SYT16: variants seen among roughly 807,000 people sequenced by gnomAD.
The protein encoded by SYT16 is synaptotagmin 16.
In SYT16, 42 loss-of-function variants were observed where a neutral mutation model predicts 61.4. That is an observed-to-expected ratio of 0.68 (90% CI 0.53 to 0.89). The LOEUF is 0.89. Among genes scored for constraint, SYT16 ranks in the 40% least tolerant of loss-of-function variants. The pLI is 0.00. For missense variants in SYT16, 804 were observed against 807.3 expected (o/e 1.00, Z 0.05); for synonymous variants, 314 against 302.3 (o/e 1.04, Z -0.40).
At chr14:61,864,653 C>T (rs534835869) in intron 1 of SYT16, among the ~76,000 whole-genome samples, 1 of 152,364 alleles carries the variant, frequency 6.6e-6, no homozygotes, top group South Asian at 2.1e-4. Context: ...GAGTGCGGTA[C>T]TCTCAGGCCC....
At chr14:61,839,745 C>T (rs2046245908) in intron 1 of SYT16, among the ~76,000 whole-genome samples, 2 of 152,120 alleles carry the variant, frequency 1.3e-5, no homozygotes. Context: ...TTTTTTAGGC[C>T]AGCAAATCAC....
At chr14:61,983,233 A>C (rs2052161077) in intron 2 of SYT16, among the ~76,000 whole-genome samples, 2 of 152,282 alleles carry the variant, frequency 1.3e-5, no homozygotes, top group African/African-American at 4.8e-5. Flanking sequence ...TGACAGATTA[A>C]AGTAAAAGAA....
chr14:62,027,530 A>G (rs2054148598), intron 3 of SYT16, among the ~76,000 whole-genome samples: 1 of 152,198 alleles, frequency 6.6e-6, no homozygotes, highest in Non-Finnish European at 1.5e-5. Context: ...AATGTTTACT[A>G]TCATCCTTCT....
intron 1 of SYT16, among the ~76,000 whole-genome samples, chr14:61,958,663 G>A (rs2050982710): frequency 6.6e-6 from 1 of 151,954 alleles, no homozygotes; most frequent in African/African-American, 2.4e-5. Flanking sequence ...ATTGTTTTGT[G>A]ACCTAGCATG....
intron 1 of SYT16, among the ~76,000 whole-genome samples, chr14:61,947,121 T>C (rs1319200542): frequency 6.6e-6 from 1 of 152,080 alleles, no homozygotes; most frequent in Admixed American, 6.6e-5. Flanking sequence ...TGTGATTCTA[T>C]GTAAGATGGT....
At chr14:62,084,084 T>G in intron 6 of SYT16, 112 bp from the exon 7 acceptor site, 1 of 1,318,178 alleles carries the variant, frequency 7.6e-7, no homozygotes, top group Non-Finnish European at 1.0e-6. Context: ...TTAGTCATCT[T>G]TGGCAGTCAT....
intron 7 of SYT16, among the ~76,000 whole-genome samples, chr14:62,092,122 A>C (rs1412069794): frequency 6.6e-6 from 1 of 151,536 alleles, no homozygotes; most frequent in Non-Finnish European, 1.5e-5. Flanking sequence ...GGAAAATGCA[A>C]ATCAAAACTA....
At chr14:62,035,586 G>A (rs1595216403) in intron 3 of SYT16, among the ~76,000 whole-genome samples, 1 of 152,114 alleles carries the variant, frequency 6.6e-6, no homozygotes, top group Non-Finnish European at 1.5e-5. Context: ...TGATTAACAG[G>A]GTTTCACTGT....
chr14:61,848,471 A>G (rs2046510542), intron 1 of SYT16, among the ~76,000 whole-genome samples: 1 of 152,158 alleles, frequency 6.6e-6, no homozygotes, highest in Admixed American at 6.5e-5. Context: ...TGGAGGACAC[A>G]TGACATAAGC....
chr14:62,026,533 C>T (rs2054110183), intron 3 of SYT16, among the ~76,000 whole-genome samples: 2 of 152,188 alleles, frequency 1.3e-5, no homozygotes, highest in East Asian at 3.9e-4. Context: ...GAAGGAGGAG[C>T]CCTCATGGCC....
chr14:61,990,277 A>G (rs1391025226), intron 2 of SYT16, among the ~76,000 whole-genome samples: 1 of 152,234 alleles, frequency 6.6e-6, no homozygotes, highest in African/African-American at 2.4e-5. Flanking sequence ...TAGCTTTATG[A>G]CTACTCTAGT....
At chr14:61,819,763 G>A (rs981833242) in intron 1 of SYT16, among the ~76,000 whole-genome samples, 1 of 152,160 alleles carries the variant, frequency 6.6e-6, no homozygotes, top group Non-Finnish European at 1.5e-5. Context: ...AGAGAGCACA[G>A]GCCTGGTTCC....
chr14:62,057,251 A>G (rs1595297272), intron 3 of SYT16, among the ~76,000 whole-genome samples: 3 of 152,220 alleles, frequency 2.0e-5, no homozygotes, highest in Non-Finnish European at 2.9e-5. Flanking sequence ...CCTTCAGTCC[A>G]ATCAAGTTGA....
At chr14:61,977,606 C>T (rs1478271066) in intron 2 of SYT16, among the ~76,000 whole-genome samples, 1 of 152,248 alleles carries the variant, frequency 6.6e-6, no homozygotes, top group East Asian at 1.9e-4. Context: ...TCCACCTGGT[C>T]TCTCCCTTGA....
chr14:61,992,202 C>T (rs1026114660), intron 2 of SYT16, among the ~76,000 whole-genome samples: 4 of 152,106 alleles, frequency 2.6e-5, no homozygotes, highest in Non-Finnish European at 5.9e-5. Context: ...AAGCAATAAA[C>T]ATTTCCTCAT....
chr14:61,934,469 T>C (rs991892477), intron 1 of SYT16, among the ~76,000 whole-genome samples: 1 of 152,210 alleles, frequency 6.6e-6, no homozygotes, highest in Non-Finnish European at 1.5e-5. Context: ...AATACCGGAA[T>C]TGAGGCACTG....
chr14:61,836,279 A>T (rs2046126857), intron 1 of SYT16, among the ~76,000 whole-genome samples: 1 of 152,064 alleles, frequency 6.6e-6, no homozygotes, highest in Non-Finnish European at 1.5e-5. Flanking sequence ...GCGTGTGTTT[A>T]TTGCTCTACT....
At chr14:61,936,918 C>T (rs1457792786) in intron 1 of SYT16, among the ~76,000 whole-genome samples, 5 of 152,276 alleles carry the variant, frequency 3.3e-5, no homozygotes, top group Middle Eastern at 3.4e-3. Flanking sequence ...AAGGGGTACC[C>T]GTGCATCCTT....
chr14:61,903,366 C>T (rs749010919), intron 1 of SYT16, among the ~76,000 whole-genome samples: 10 of 152,042 alleles, frequency 6.6e-5, no homozygotes, highest in East Asian at 1.9e-4. Flanking sequence ...CTGTGGCTTC[C>T]GCCTTATTCG....
Sources: gnomAD v4.1 joint callset for allele counts (sites outside exome capture counted in the v4.1 genomes callset) on GRCh38, gnomAD v4.1.1 for gene constraint, MANE v1.5 for transcripts, NCBI Gene and HGNC (gene_info 2026-07-23, HGNC 2026-07-21) for gene names.